The following ANXA2 variants were observed in gnomAD, a reference collection of about 807,000 sequenced individuals.
ANXA2 encodes annexin A2.
Under a neutral mutation model 47.3 loss-of-function variants are expected in ANXA2, and 28 were observed. The observed-to-expected ratio is 0.59, with a 90% CI of 0.44 to 0.81. The LOEUF is 0.81. Among genes scored for constraint, ANXA2 ranks in the 40% least tolerant of loss-of-function variants. ANXA2 has a pLI of 0.00. For synonymous variants in ANXA2, 172 were observed against 155.5 expected (o/e 1.11, Z -0.79); for missense variants, 384 against 414.3 (o/e 0.93, Z 0.64).
intron 1 of ANXA2, chr15:60,395,630 C>G (rs771746607): frequency 1.3e-5 from 2 of 152,144 alleles, no homozygotes; most frequent in Non-Finnish European, 2.9e-5. Flanking sequence ...AACTAACGGC[C>G]ATGACTGCGA....
chr15:60,364,362 A>G, intron 4 of ANXA2, 67 bp downstream of exon 4: 1 of 1,292,434 alleles, frequency 7.7e-7, no homozygotes, highest in South Asian at 1.3e-5. Flanking sequence ...TCATGAAAAG[A>G]AAAAGCAATG....
chr15:60,357,291 T>TAC, intron 5 of ANXA2, 55 bp from the exon 6 acceptor site: 1 of 1,428,748 alleles, frequency 7.0e-7, no homozygotes, highest in African/African-American at 1.4e-5. Context: ...ACCATTAGCC[T>TAC]ACTTCTCTGA....
At chr15:60,385,230 G>A (rs1465860870) in intron 2 of ANXA2, among the ~76,000 whole-genome samples, 1 of 152,246 alleles carries the variant, frequency 6.6e-6, no homozygotes, top group East Asian at 1.9e-4. Flanking sequence ...AAATATCCTA[G>A]CTTTTTTAGA....
intron 4 of ANXA2, among the ~76,000 whole-genome samples, chr15:60,362,003 C>T (rs1321680901): frequency 4.0e-5 from 6 of 151,720 alleles, no homozygotes; most frequent in African/African-American, 1.2e-4. Context: ...TTGCAGGCTA[C>T]GAGAGGTGAT....
intron 3 of ANXA2, among the ~76,000 whole-genome samples, chr15:60,365,475 G>A (rs1450834902): frequency 1.3e-5 from 2 of 152,156 alleles, no homozygotes; most frequent in Non-Finnish European, 2.9e-5. Flanking sequence ...GTAACTCTTG[G>A]GTGAGAGAGT....
chr15:60,372,314 G>A (rs1474066368), intron 3 of ANXA2, among the ~76,000 whole-genome samples: 2 of 152,148 alleles, frequency 1.3e-5, no homozygotes, highest in East Asian at 3.9e-4. Context: ...GCTCATAGAA[G>A]GCAGAGACTC....
intron 10 of ANXA2, 68 bp downstream of exon 10, chr15:60,351,656 G>C: frequency 9.9e-7 from 1 of 1,009,190 alleles, no homozygotes; most frequent in Non-Finnish European, 1.6e-6. Context: ...TGGATTAACA[G>C]GATGGCCATC....
chr15:60,362,840 T>A (rs12441980), intron 4 of ANXA2: 1 of 151,728 alleles, frequency 6.6e-6, no homozygotes, highest in African/African-American at 2.4e-5. Flanking sequence ...CTAGAGGGTA[T>A]GTGGGAGCTT....
chr15:60,348,966 G>T, intron 12 of ANXA2, 109 bp downstream of exon 12: 1 of 1,304,114 alleles, frequency 7.7e-7, no homozygotes, highest in East Asian at 2.3e-5. Context: ...CTTCCCCAGA[G>T]AGTCAGAAAA....
At chr15:60,367,638 G>A (rs1328418816) in intron 3 of ANXA2, among the ~76,000 whole-genome samples, 1 of 76,516 alleles carries the variant, frequency 1.3e-5, no homozygotes, top group African/African-American at 6.6e-5. Context: ...CGCCCCTACT[G>A]GGAAGTGAGG....
intron 1 of ANXA2, chr15:60,396,474 A>C (rs754402249): frequency 6.6e-6 from 1 of 152,084 alleles, no homozygotes; most frequent in Non-Finnish European, 1.5e-5. Flanking sequence ...AGGGGCAAAG[A>C]CATAATTTTC....
intron 5 of ANXA2, 135 bp downstream of exon 5, chr15:60,360,806 A>G: frequency 1.6e-6 from 1 of 640,748 alleles, no homozygotes; most frequent in Non-Finnish European, 2.8e-6. Context: ...GAGACATATA[A>G]CTTCAGTTCA....
chr15:60,364,009 T>C (rs1388645036), intron 4 of ANXA2, among the ~76,000 whole-genome samples: 1 of 152,204 alleles, frequency 6.6e-6, no homozygotes, highest in Non-Finnish European at 1.5e-5. Flanking sequence ...TAACTTTCTA[T>C]TCCCAGAAGC....
rs541954455 is a variant in ANXA2 at position 60,393,769 on chromosome 15, TC to T, written c.-12+4173del. 182 of 852,622 alleles carry T rather than the reference TC, an allele frequency of 2.1e-4. 3 individuals carry two copies. In the South Asian group the frequency reaches 8.7e-3, roughly 41 times the overall value. The allele number at this position is 852,622 out of a possible 1,614,324, so 52.8% of individuals were successfully genotyped here. On this transcript the variant is annotated intron_variant, in intron 1 of 12. Transcript: ENST00000451270. ...ATTAGAGTTACATGTGTAAAGTCTG[TC>T]TTCCGTATTATCCGCCCACAGGGTT...
rs372199283 is a variant in ANXA2 at position 60,351,725 on chromosome 15, C to A, written c.777G>T (p.Leu259=). 6.2e-7 allele frequency: 1 copy of A among 1,606,306 alleles called. No homozygotes were observed. Among genetic ancestry groups the A allele is most frequent in the African/African-American group, 1.3e-5 (1 of 74,850 alleles). ...GGAATGGGGGCCACATTCACTTACC[C>A]AGGTTCAGGAAAGCATTTTCCAGGT... The part of the protein sequence containing the change: ...KGDLENAFLN[L]VQCIQNKPLY... The change falls in exon 10 of 13, where the codon CTG becomes CTT. Residue 259 remains leucine, a splice_region_variant and synonymous_variant. Transcript: ENST00000451270.
rs1168328666 is a variant in ANXA2, at chr15:60,347,619, C to A, written c.*11G>T. 6.2e-7 allele frequency: 1 copy of A among 1,614,014 alleles called. No homozygotes were observed. Among genetic ancestry groups the A allele is most frequent in the African/African-American group, 1.3e-5 (1 of 75,038 alleles). On this transcript the variant is annotated 3_prime_UTR_variant, in exon 13 of 13. Transcript: ENST00000451270. Reference sequence around the variant, plus strand: ...GAGCACCATTTCTGGACGCTCAGGCCGTGTCGGGCTTCAGTCATCTCCACC... The same window carrying A: ...GAGCACCATTTCTGGACGCTCAGGCAGTGTCGGGCTTCAGTCATCTCCACC...
At chr15:60,382,321 G>T in intron 3 of ANXA2, 21 bp downstream of exon 3, 1 of 1,585,854 alleles carries the variant, frequency 6.3e-7, no homozygotes, top group Non-Finnish European at 8.7e-7. Flanking sequence ...CTGACAAGAA[G>T]AGGACAAATG....
intron 1 of ANXA2, chr15:60,396,237 A>C (rs577071404): frequency 7.4e-4 from 113 of 152,294 alleles, no homozygotes; most frequent in African/African-American, 2.5e-3. Context: ...TTTTTTAAAT[A>C]ACAAGACTCC....
chr15:60,385,247 A>G (rs963506248), intron 2 of ANXA2, among the ~76,000 whole-genome samples: 6 of 152,138 alleles, frequency 3.9e-5, no homozygotes, highest in African/African-American at 1.4e-4. Context: ...TAGAGAAAAT[A>G]TTTTCCAGGT....
Sources: gnomAD v4.1 joint callset for allele counts (sites outside exome capture counted in the v4.1 genomes callset) on GRCh38, gnomAD v4.1.1 for gene constraint, MANE v1.5 for transcripts, NCBI Gene and HGNC (gene_info 2026-07-23, HGNC 2026-07-21) for gene names.